PTPRD: variants seen among roughly 807,000 people sequenced by gnomAD.
PTPRD encodes protein tyrosine phosphatase receptor type D, also known as receptor-type tyrosine-protein phosphatase delta.
Under a neutral mutation model 214.5 loss-of-function variants are expected in PTPRD, and 34 were observed. The ratio of observed to expected loss-of-function variants is 0.16; its 90% confidence interval spans 0.12 to 0.21. The LOEUF is 0.21. PTPRD is among the 10% of genes least tolerant of loss of function. The pLI, the probability that PTPRD is intolerant of heterozygous loss-of-function variation, is 1.00. For synonymous variants in PTPRD, 1,128 were observed against 845.7 expected, an observed-to-expected ratio of 1.33 and a Z score of -5.79; for missense variants, 2,545 against 2,398.7, an observed-to-expected ratio of 1.06 and a Z score of -1.27.
chr9:10,172,574 T>C (rs956981620), intron 3 of PTPRD, among the ~76,000 whole-genome samples: 25 of 152,184 alleles, frequency 1.6e-4, no homozygotes, highest in African/African-American at 6.0e-4. Flanking sequence ...CCATTCTAGC[T>C]CCTTCACATT....
intron 8 of PTPRD, among the ~76,000 whole-genome samples, chr9:9,502,811 G>C (rs1419587642): frequency 2.0e-5 from 3 of 151,854 alleles, no homozygotes; most frequent in South Asian, 2.1e-4. Flanking sequence ...TTGAAGCAAA[G>C]AAGCTACATG....
intron 14 of PTPRD, among the ~76,000 whole-genome samples, chr9:8,613,957 T>A (rs2095530793): frequency 6.6e-6 from 1 of 152,214 alleles, no homozygotes; most frequent in Admixed American, 6.5e-5. Flanking sequence ...GCAGTTTTTT[T>A]TTTTTCTATA....
intron 11 of PTPRD, chr9:8,857,702 C>G (rs1378582676): frequency 6.3e-6 from 1 of 159,284 alleles, no homozygotes; most frequent in East Asian, 1.9e-4. Flanking sequence ...CACTTTCCTC[C>G]AGCGCCTTCG....
chr9:9,930,545 G>A (rs768185996), intron 5 of PTPRD, among the ~76,000 whole-genome samples: 1 of 152,032 alleles, frequency 6.6e-6, no homozygotes, highest in South Asian at 2.1e-4. Flanking sequence ...TGCAGAAAAA[G>A]CATTGAAACA....
intron 39 of PTPRD, among the ~76,000 whole-genome samples, chr9:8,354,696 C>T (rs10976987): frequency 0.55 from 83,514 of 152,028 alleles, 26,279 homozygotes; most frequent in Non-Finnish European, 0.72. Flanking sequence ...GATCACGTGG[C>T]TGTCACTAGG....
At chr9:8,920,837 A>G (rs2098822527) in intron 11 of PTPRD, among the ~76,000 whole-genome samples, 2 of 151,874 alleles carry the variant, frequency 1.3e-5, no homozygotes, top group Non-Finnish European at 2.9e-5. Context: ...ATTTTGAGAC[A>G]GAGTCTCCCT....
intron 11 of PTPRD, among the ~76,000 whole-genome samples, chr9:8,880,493 G>A (rs1408023070): frequency 6.6e-6 from 1 of 152,092 alleles, no homozygotes; most frequent in African/African-American, 2.4e-5. Flanking sequence ...TTTTTATTGA[G>A]TAAAATTCTA....
intron 8 of PTPRD, among the ~76,000 whole-genome samples, chr9:9,454,392 C>T (rs1289866475): frequency 2.6e-5 from 4 of 151,732 alleles, no homozygotes; most frequent in African/African-American, 9.7e-5. Context: ...TAGCATATCA[C>T]TGCAGTATTT....
chr9:9,968,800 T>C (rs530102752), intron 4 of PTPRD, among the ~76,000 whole-genome samples: 47 of 152,216 alleles, frequency 3.1e-4, no homozygotes, highest in African/African-American at 1.1e-3. Flanking sequence ...TTAATTCAGT[T>C]TGGCATTAGA....
At chr9:10,172,364 G>C (rs2099214477) in intron 3 of PTPRD, among the ~76,000 whole-genome samples, 4 of 152,014 alleles carry the variant, frequency 2.6e-5, no homozygotes, top group Non-Finnish European at 5.9e-5. Context: ...ATTGTATTTT[G>C]ATCTTATTAA....
chr9:9,839,511 C>A (rs1379596582), intron 5 of PTPRD, among the ~76,000 whole-genome samples: 1 of 152,026 alleles, frequency 6.6e-6, no homozygotes, highest in Non-Finnish European at 1.5e-5. Flanking sequence ...TGAAGGACCT[C>A]TTCAAGGAGA....
chr9:9,059,477 C>A (rs886220216), intron 10 of PTPRD, among the ~76,000 whole-genome samples: 10 of 151,928 alleles, frequency 6.6e-5, no homozygotes, highest in East Asian at 1.9e-4. Flanking sequence ...GAAGAAAAAA[C>A]CAGAAAATAA....
rs192640803 is a variant in PTPRD, at chr9:9,382,061, T to C, written c.-203+15388A>G. On this transcript the variant is annotated intron_variant, in intron 9 of 45. Transcript: ENST00000381196. The stretch of plus-strand genomic sequence containing the variant: ...TGTCTCTTTACATTTCTACCATCAA[T>C]GCTCTGTAGTTTTCAGTATATGAGT... Among the ~76,000 whole-genome samples, 16 of 152,302 alleles carry C rather than the reference T, an allele frequency of 1.1e-4. No homozygotes were observed. The East Asian group carries it at 3.1e-3, about 29-fold the overall frequency.
At chr9:9,148,733 A>G (rs2099872833) in intron 10 of PTPRD, among the ~76,000 whole-genome samples, 1 of 152,206 alleles carries the variant, frequency 6.6e-6, no homozygotes, top group South Asian at 2.1e-4. Flanking sequence ...GGCTTTTAAC[A>G]TTCCACTCTA....
At chr9:9,625,445 T>C (rs2095392516) in intron 7 of PTPRD, among the ~76,000 whole-genome samples, 1 of 152,202 alleles carries the variant, frequency 6.6e-6, no homozygotes, top group Non-Finnish European at 1.5e-5. Flanking sequence ...TGGGAGCTTC[T>C]GTCAGTTCTT....
intron 5 of PTPRD, among the ~76,000 whole-genome samples, chr9:9,934,778 GA>G (rs1489785720): frequency 8.6e-5 from 13 of 151,902 alleles, no homozygotes; most frequent in African/African-American, 3.1e-4. Flanking sequence ...AACCAAAAAA[GA>G]GAATTTTAGA....
chr9:10,274,301 C>T (rs1595890767), intron 3 of PTPRD, among the ~76,000 whole-genome samples: 1 of 152,222 alleles, frequency 6.6e-6, no homozygotes, highest in East Asian at 1.9e-4. Context: ...GCTAGGAATT[C>T]CTTCTGAGGA....
At chr9:10,415,166 T>C (rs1434238064) in intron 2 of PTPRD, among the ~76,000 whole-genome samples, 1 of 151,842 alleles carries the variant, frequency 6.6e-6, no homozygotes, top group East Asian at 1.9e-4. Flanking sequence ...AGCTTCTTCT[T>C]TTATAAACTA....
intron 9 of PTPRD, among the ~76,000 whole-genome samples, chr9:9,257,819 T>C (rs890104330): frequency 1.3e-5 from 2 of 151,750 alleles, no homozygotes; most frequent in African/African-American, 4.8e-5. Flanking sequence ...GCAAAGAAAA[T>C]GCCAACTCTA....
Sources: gnomAD v4.1 joint callset for allele counts (sites outside exome capture counted in the v4.1 genomes callset) on GRCh38, gnomAD v4.1.1 for gene constraint, MANE v1.5 for transcripts, NCBI Gene and HGNC (gene_info 2026-07-23, HGNC 2026-07-21) for gene names.